The following ASCC3 variants were observed in gnomAD, a reference collection of about 807,000 sequenced individuals.
ASCC3 encodes the protein activating signal cointegrator 1 complex subunit 3.
A neutral mutation model predicts 256.3 loss-of-function variants in ASCC3; 158 were observed. The observed-to-expected ratio is 0.62, with a 90% CI of 0.54 to 0.70. The LOEUF is 0.70. Among genes scored for constraint, ASCC3 ranks in the 30% least tolerant of loss-of-function variants. The pLI, the probability that ASCC3 is intolerant of heterozygous loss-of-function variation, is 0.00. For synonymous variants in ASCC3, 948 were observed against 883.4 expected (o/e 1.07, Z -1.30); for missense variants, 2,259 against 2,626.0 (o/e 0.86, Z 3.05).
intron 14 of ASCC3, among the ~76,000 whole-genome samples, chr6:100,672,871 TATATTGATACCCA>T (rs879466948): frequency 6.6e-6 from 1 of 152,130 alleles, no homozygotes; most frequent in Admixed American, 6.6e-5. Flanking sequence ...GCACTTTATT[TATATTGATACCCA>T]ATGATCTATT....
At chr6:100,566,667 TTTGTTTTTTGTTTTTTTAAGGACA>T (rs1289574221) in intron 36 of ASCC3, among the ~76,000 whole-genome samples, 1 of 152,148 alleles carries the variant, frequency 6.6e-6, no homozygotes, top group Non-Finnish European at 1.5e-5. Context: ...TTGATTGCCA[TTTGTTTTTTGTTTTTTTAAGGACA>T]TTGCTTCTTC....
At chr6:100,566,442 T>A (rs1770254997) in intron 36 of ASCC3, among the ~76,000 whole-genome samples, 1 of 152,206 alleles carries the variant, frequency 6.6e-6, no homozygotes, top group South Asian at 2.1e-4. Flanking sequence ...TAACGGCTTT[T>A]ACCTACATTC....
intron 3 of ASCC3, among the ~76,000 whole-genome samples, chr6:100,855,484 T>A (rs1337896117): frequency 6.6e-6 from 1 of 152,246 alleles, no homozygotes; most frequent in African/African-American, 2.4e-5. Context: ...TTTACACAGC[T>A]GATACATTTG....
chr6:100,863,062 A>C (rs1201803756), intron 3 of ASCC3, among the ~76,000 whole-genome samples: 1 of 152,238 alleles, frequency 6.6e-6, no homozygotes, highest in Admixed American at 6.5e-5. Flanking sequence ...AGGCCAGATC[A>C]TGCAAGACCA....
chr6:100,788,248 AC>A (rs1482610256), intron 8 of ASCC3, among the ~76,000 whole-genome samples: 1 of 152,010 alleles, frequency 6.6e-6, no homozygotes, highest in Non-Finnish European at 1.5e-5. Flanking sequence ...GGAAATGCAA[AC>A]CAAAACCATA....
chr6:100,515,832 T>A (rs1217813641), intron 39 of ASCC3, among the ~76,000 whole-genome samples: 1 of 152,170 alleles, frequency 6.6e-6, no homozygotes, highest in Non-Finnish European at 1.5e-5. Flanking sequence ...ACAAGCTACA[T>A]GAGGCTTTTC....
At chr6:100,878,212 A>G (rs1032898784) in intron 1 of ASCC3, among the ~76,000 whole-genome samples, 5 of 152,244 alleles carry the variant, frequency 3.3e-5, no homozygotes, top group Admixed American at 1.3e-4. Flanking sequence ...TGACAAAAAT[A>G]ATAAAACACA....
At chr6:100,798,030 T>A (rs1264588595) in intron 8 of ASCC3, among the ~76,000 whole-genome samples, 3 of 152,154 alleles carry the variant, frequency 2.0e-5, no homozygotes, top group Non-Finnish European at 4.4e-5. Context: ...CTGTGAGTAT[T>A]CTTTATGATG....
In ASCC3 at chr6:100,802,654, T is replaced by C. The variant is rs9986496; in HGVS notation, c.923-2150A>G. 4.9e-3 allele frequency among the ~76,000 whole-genome samples: 739 copies of C among 152,004 alleles called. 9 individuals carry two copies. The highest frequency in any genetic ancestry group is 0.017 in the African/African-American group (716 of 41,472). On this transcript the variant is annotated intron_variant, in intron 5 of 41. Transcript: ENST00000369162. ...AAACTCATCTACAGTTTCCAAAAAA[T>C]ATGTAAAGCTAGATTTGTATTAAAC... is the stretch of plus-strand genomic sequence containing the variant.
intron 26 of ASCC3, among the ~76,000 whole-genome samples, chr6:100,630,281 A>G (rs1160045553): frequency 6.6e-6 from 1 of 152,094 alleles, no homozygotes; most frequent in African/African-American, 2.4e-5. Flanking sequence ...GTATTTACCT[A>G]TTCTTGTTTA....
chr6:100,704,052 T>C (rs540651601), intron 13 of ASCC3, among the ~76,000 whole-genome samples: 1 of 150,416 alleles, frequency 6.6e-6, no homozygotes, highest in East Asian at 1.9e-4. Flanking sequence ...AAGAAGTATT[T>C]TTTTTTTTTG....
chr6:100,722,105 C>A (rs1304977652), intron 11 of ASCC3, among the ~76,000 whole-genome samples: 2 of 151,740 alleles, frequency 1.3e-5, no homozygotes, highest in African/African-American at 4.8e-5. Context: ...TTCCCCATTG[C>A]TTATTTTTGT....
At chr6:100,818,772 A>G (rs66459527) in intron 4 of ASCC3, among the ~76,000 whole-genome samples, 8 of 131,840 alleles carry the variant, frequency 6.1e-5, no homozygotes, top group Non-Finnish European at 8.3e-5. Flanking sequence ...AAAAAAAAAA[A>G]GAAATATAAG....
rs571890088 is a variant in ASCC3 at position 100,752,427 on chromosome 6, C to A, written c.1737+14138G>T. ...ACCCAAATAAAGTGGCATTACATTT[C>A]CAACTTACTCTAGAAATGTTTCCAG... On this transcript the variant is annotated intron_variant, in intron 10 of 41. Transcript: ENST00000369162. Among the ~76,000 whole-genome samples, 7 of 152,226 alleles carry A rather than the reference C, an allele frequency of 4.6e-5. No homozygotes were observed. In the South Asian group the frequency reaches 1.5e-3, roughly 32 times the overall value.
At chr6:100,707,360 AC>A in intron 13 of ASCC3, among the ~76,000 whole-genome samples, 1 of 152,238 alleles carries the variant, frequency 6.6e-6, no homozygotes, top group East Asian at 1.9e-4. Context: ...GAAAAATACA[AC>A]AGATTAGATA....
intron 10 of ASCC3, among the ~76,000 whole-genome samples, chr6:100,739,444 G>A (rs1157094717): frequency 2.0e-5 from 3 of 152,174 alleles, no homozygotes; most frequent in African/African-American, 2.4e-5. Flanking sequence ...TCAGGATGAT[G>A]CTGGCCTCAC....
chr6:100,533,093 GT>G (rs924830888), intron 37 of ASCC3, among the ~76,000 whole-genome samples: 8 of 149,724 alleles, frequency 5.3e-5, no homozygotes, highest in East Asian at 2.0e-4. Flanking sequence ...CCCATTAGCT[GT>G]TTTTTTTTGT....
In ASCC3 at chr6:100,798,846, C is replaced by T. The variant is rs1339635947; in HGVS notation, c.1270-8G>A. 1.2e-6 allele frequency: 2 copies of T among 1,605,608 alleles called. No homozygotes were observed. Among genetic ancestry groups the T allele is most frequent in the Admixed American group, 1.7e-5 (1 of 59,860 alleles). ...TCCTTCTGGCAAAATCATCTATAAA[C>T]ATCAACAATAAAAATCCAATAATAA... On this transcript the variant is annotated splice_polypyrimidine_tract_variant and splice_region_variant and intron_variant, in intron 7 of 41. Transcript: ENST00000369162.
chr6:100,593,805 T>C (rs1331944543), intron 34 of ASCC3, among the ~76,000 whole-genome samples: 1 of 152,044 alleles, frequency 6.6e-6, no homozygotes, highest in Non-Finnish European at 1.5e-5. Flanking sequence ...CTCAGATATA[T>C]TTAAAAGCTT....
Sources: gnomAD v4.1 joint callset for allele counts (sites outside exome capture counted in the v4.1 genomes callset) on GRCh38, gnomAD v4.1.1 for gene constraint, MANE v1.5 for transcripts, NCBI Gene and HGNC (gene_info 2026-07-23, HGNC 2026-07-21) for gene names.